Variants in INTS4 observed in about 807,000 individuals in gnomAD.
INTS4 encodes MSTP093.
INTS4 carries 70 observed loss-of-function variants against 119.5 expected under a neutral mutation model. The observed-to-expected ratio is 0.59, with a 90% confidence interval of 0.48 to 0.71. The LOEUF is 0.71. INTS4 is among the 30% of genes least tolerant of loss of function. The pLI is 0.00. For synonymous variants in INTS4, 316 were observed against 419.6 expected, an observed-to-expected ratio of 0.75 and a Z score of 3.02; for missense variants, 867 against 1,173.2, an observed-to-expected ratio of 0.74 and a Z score of 3.81.
At chr11:77,874,929 C>A (rs564493476), downstream of INTS4, among the ~76,000 whole-genome samples, 7 of 151,950 alleles carry the variant, frequency 4.6e-5, no homozygotes, top group Non-Finnish European at 1.0e-4. Flanking sequence ...CCCAGCTAGT[C>A]TACTTGGGAG....
chr11:77,986,024 A>G (rs981827551), intron 2 of INTS4, among the ~76,000 whole-genome samples: 6 of 152,212 alleles, frequency 3.9e-5, no homozygotes, highest in Admixed American at 1.3e-4. Flanking sequence ...AAAAAACACT[A>G]TGGTCAACAA....
intron 18 of INTS4, among the ~76,000 whole-genome samples, chr11:77,896,224 G>GA (rs1045591764): frequency 5.3e-5 from 8 of 149,976 alleles, no homozygotes; most frequent in South Asian, 2.1e-4. Flanking sequence ...AAACTATACA[G>GA]AAAAAAAAGG....
At chr11:77,941,716 G>A (rs1179070272) in intron 8 of INTS4, among the ~76,000 whole-genome samples, 2 of 152,076 alleles carry the variant, frequency 1.3e-5, no homozygotes, top group Non-Finnish European at 2.9e-5. Context: ...ACGTTGGGCA[G>A]GCTAGTCTCA....
Position 77,967,039 on chromosome 11 carries a change from T to A in INTS4, c.472-5901A>T, listed in dbSNP as rs185781601. Among the ~76,000 whole-genome samples, 9 of 152,284 alleles carry A rather than the reference T, an allele frequency of 5.9e-5. No individual in the cohort carries two copies. In the East Asian group the frequency reaches 1.5e-3, roughly 26 times the overall value. On this transcript the variant is annotated intron_variant, in intron 4 of 22. Transcript: ENST00000534064. Reference sequence around the variant, plus strand: ...TTGGCAATAGCTATCCTAATGGGTATGAAGTGGTATCTCACTGTGGTTTTG... The same window carrying A: ...TTGGCAATAGCTATCCTAATGGGTAAGAAGTGGTATCTCACTGTGGTTTTG...
intron 5 of INTS4, among the ~76,000 whole-genome samples, chr11:77,960,688 T>A (rs1049095286): frequency 6.6e-6 from 1 of 152,028 alleles, no homozygotes; most frequent in Non-Finnish European, 1.5e-5. Context: ...TCATACCAAG[T>A]CATATGCCTC....
intron 8 of INTS4, among the ~76,000 whole-genome samples, chr11:77,947,103 T>A (rs1237230525): frequency 6.8e-6 from 1 of 146,876 alleles, no homozygotes; most frequent in Non-Finnish European, 1.5e-5. Flanking sequence ...AAATAACCCA[T>A]TAAGAGGAAA....
chr11:77,982,894 C>T (rs1415953167), intron 2 of INTS4, among the ~76,000 whole-genome samples: 1 of 152,144 alleles, frequency 6.6e-6, no homozygotes, highest in Non-Finnish European at 1.5e-5. Context: ...ATAAGGAGGC[C>T]TAAAGCAGGA....
intron 15 of INTS4, chr11:77,918,416 CAAAA>C (rs34005455): frequency 3.4e-3 from 201 of 58,364 alleles, no homozygotes; most frequent in South Asian, 0.017. Context: ...GACCCTGTCT[CAAAA>C]AAAAAAAAAA....
chr11:77,978,865 T>C (rs780146691), intron 4 of INTS4, 131 bp downstream of exon 4: 25 of 584,954 alleles, frequency 4.3e-5, no homozygotes, highest in Non-Finnish European at 7.0e-5. Flanking sequence ...TTATAACAAG[T>C]GTACTTAACT....
At chr11:77,875,653 G>T (rs1052353799), downstream of INTS4, among the ~76,000 whole-genome samples, 5 of 152,144 alleles carry the variant, frequency 3.3e-5, no homozygotes, top group African/African-American at 1.2e-4. Context: ...TTGTGAACCT[G>T]CAATGCCATA....
chr11:77,953,709 G>A (rs1353947758), intron 8 of INTS4, among the ~76,000 whole-genome samples: 1 of 151,994 alleles, frequency 6.6e-6, no homozygotes, highest in Non-Finnish European at 1.5e-5. Context: ...TCAGCCTCCA[G>A]AATAGCTGGG....
At chr11:77,993,029 C>T (rs1264003829) in intron 1 of INTS4, among the ~76,000 whole-genome samples, 2 of 152,136 alleles carry the variant, frequency 1.3e-5, no homozygotes, top group African/African-American at 2.4e-5. Flanking sequence ...TCAGTCTTAT[C>T]GAAGCTGTAG....
intron 15 of INTS4, among the ~76,000 whole-genome samples, chr11:77,914,675 G>C (rs1213389871): frequency 2.6e-5 from 4 of 152,188 alleles, no homozygotes; most frequent in Admixed American, 2.6e-4. Context: ...TGTGATTGTA[G>C]CATGAAAGCA....
chr11:77,950,501 T>A (rs1954164819), intron 8 of INTS4, among the ~76,000 whole-genome samples: 1 of 152,116 alleles, frequency 6.6e-6, no homozygotes, highest in South Asian at 2.1e-4. Context: ...AATTCTGGTG[T>A]TCAACTGCAC....
intron 2 of INTS4, among the ~76,000 whole-genome samples, chr11:77,990,663 G>A (rs1303456829): frequency 6.7e-5 from 9 of 133,362 alleles, no homozygotes; most frequent in Non-Finnish European, 1.4e-4. Flanking sequence ...TCCAGCATGG[G>A]CAACAGAGCG....
chr11:77,958,379 C>T (rs1481446842), intron 7 of INTS4, among the ~76,000 whole-genome samples: 4 of 152,154 alleles, frequency 2.6e-5, no homozygotes, highest in Non-Finnish European at 4.4e-5. Flanking sequence ...TATTCTCAAA[C>T]TCATCTGGTA....
chr11:77,900,740 T>C, intron 18 of INTS4: 3 of 633,912 alleles, frequency 4.7e-6, no homozygotes, highest in Non-Finnish European at 5.6e-6. Flanking sequence ...TTCAGAGAAG[T>C]TACAATAATA....
chr11:77,919,530 C>T (rs1953287803), intron 14 of INTS4, among the ~76,000 whole-genome samples: 1 of 152,188 alleles, frequency 6.6e-6, no homozygotes. Context: ...AGGTGATCTG[C>T]CTGCCTCGGC....
At chr11:77,902,096 A>G (rs1952796176) in intron 17 of INTS4, among the ~76,000 whole-genome samples, 1 of 152,220 alleles carries the variant, frequency 6.6e-6, no homozygotes, top group South Asian at 2.1e-4. Flanking sequence ...GATTTTCATC[A>G]AAATGATGCT....
Sources: allele counts gnomAD v4.1 joint callset (sites outside exome capture counted in the v4.1 genomes callset), GRCh38; gene constraint gnomAD v4.1.1; transcripts MANE v1.5; gene names NCBI Gene and HGNC (gene_info 2026-07-23, HGNC 2026-07-21).